Variants in EP300 observed in about 807,000 individuals in gnomAD.
The protein encoded by EP300 is histone acetyltransferase p300.
Under a neutral mutation model 264.0 loss-of-function variants are expected in EP300, and 31 were observed. The observed-to-expected ratio is 0.12, with a 90% CI of 0.09 to 0.16. EP300 has a LOEUF of 0.16. Among genes scored for constraint, EP300 ranks in the 10% least tolerant of loss-of-function variants. The pLI is 1.00. For synonymous variants in EP300, 1,340 were observed against 1,045.4 expected, an observed-to-expected ratio of 1.28 and a Z score of -5.44; for missense variants, 2,766 against 3,052.9, an observed-to-expected ratio of 0.91 and a Z score of 2.21.
intron 19 of EP300, 79 bp downstream of exon 19, chr22:41,158,579 C>T (rs1393797746): frequency 9.0e-7 from 1 of 1,109,888 alleles, no homozygotes; most frequent in Non-Finnish European, 1.4e-6. Context: ...AGCACACATA[C>T]AGTCATGGTT....
chr22:41,134,851 T>C (rs2058941101), intron 6 of EP300, among the ~76,000 whole-genome samples: 1 of 152,154 alleles, frequency 6.6e-6, no homozygotes, highest in South Asian at 2.1e-4. Context: ...CACTAGCATA[T>C]TTTCCCCTCT....
At chr22:41,163,231 C>T (rs569187238) in intron 21 of EP300, among the ~76,000 whole-genome samples, 2 of 146,222 alleles carry the variant, frequency 1.4e-5, no homozygotes, top group East Asian at 2.1e-4. Context: ...GTCAGGAGAT[C>T]GAGACCATCC....
At chr22:41,093,242 G>A in intron 1 of EP300, 144 bp downstream of exon 1, 1 of 833,306 alleles carries the variant, frequency 1.2e-6, no homozygotes, top group Non-Finnish European at 1.9e-6. Context: ...TGAGCTGGTC[G>A]AAGACGTCCA....
At chr22:41,170,146 C>T (rs1290966396) in intron 26 of EP300, among the ~76,000 whole-genome samples, 1 of 152,216 alleles carries the variant, frequency 6.6e-6, no homozygotes, top group Non-Finnish European at 1.5e-5. Context: ...AGGGCTAAGT[C>T]ACCCACTTCG....
At chr22:41,118,230 G>A (rs2058832358) in intron 2 of EP300, among the ~76,000 whole-genome samples, 2 of 152,184 alleles carry the variant, frequency 1.3e-5, no homozygotes, top group African/African-American at 4.8e-5. Flanking sequence ...TCTGAGAAAT[G>A]TATTAACTGT....
rs768939074 is a variant in EP300 at position 41,152,304 on chromosome 22, T to C, written c.3096T>C (p.Thr1032=). 3 of 1,614,128 alleles carry C rather than the reference T, an allele frequency of 1.9e-6. No homozygotes were observed. Among genetic ancestry groups the C allele is most frequent in the South Asian group, 2.2e-5 (2 of 91,076 alleles). Residue 1032 remains threonine (T), a synonymous_variant, in exon 16 of 31, where the codon ACT becomes ACC. Transcript: ENST00000263253. Reference sequence around the variant, plus strand: ...AAGAGGAGGAAGACCAGCCAAGTACTTCAGCTACCCAGTCATCTCCGGCTC... The same window carrying C: ...AAGAGGAGGAAGACCAGCCAAGTACCTCAGCTACCCAGTCATCTCCGGCTC... ...EIKEEEDQPS[T]SATQSSPAPG...
In EP300 at chr22:41,154,941, A is replaced by G. The variant is rs368133404; in HGVS notation, c.3143-54A>G. On this transcript the variant is annotated intron_variant, in intron 16 of 30. Transcript: ENST00000263253. ...AGAGCTTCAGGCTGAATGATTTTTTAAAGTTCTTCTGCTTAATTGGTAACT... is the reference window on the plus strand; with the variant it reads ...AGAGCTTCAGGCTGAATGATTTTTTGAAGTTCTTCTGCTTAATTGGTAACT... 1.7e-5 allele frequency: 21 copies of G among 1,212,586 alleles called. 1 individual carries two copies. The East Asian group carries it at 1.9e-4, about 11-fold the overall frequency. 75.1% of individuals were successfully genotyped at this position (1,212,586 alleles called of 1,614,324 possible). A position where few individuals can be genotyped will look rare whatever the true frequency, so the allele number is the denominator to read the frequency against.
At chr22:41,175,625 GCC>G (rs1323252210) in intron 29 of EP300, among the ~76,000 whole-genome samples, 1 of 152,140 alleles carries the variant, frequency 6.6e-6, no homozygotes, top group Non-Finnish European at 1.5e-5. Context: ...ATGAGTCCAG[GCC>G]AGTTGTTTTT....
chr22:41,155,222 C>A, intron 17 of EP300, 109 bp downstream of exon 17: 1 of 970,428 alleles, frequency 1.0e-6, no homozygotes. Flanking sequence ...ATTTGTAATT[C>A]AGTGATTTTT....
chr22:41,154,359 C>T (rs1443136329), intron 16 of EP300, among the ~76,000 whole-genome samples: 1 of 124,818 alleles, frequency 8.0e-6, no homozygotes, highest in Non-Finnish European at 1.7e-5. Context: ...CCTCTTAACA[C>T]GAGTATCTTG....
rs747119373 is a variant in EP300 at position 41,149,185 on chromosome 22, A to T, written c.2379+10A>T. On this transcript the variant is annotated intron_variant, in intron 13 of 30. Coordinates refer to ENST00000263253, the MANE Select transcript of EP300 (RefSeq NM_001429.4). ...AGCTCCAGTGTCTCAAGTATGTCTC[A>T]TAAGTGGATTTTTCACTTATTTTTG... 1.8e-5 allele frequency: 29 copies of T among 1,613,890 alleles called. No individual in the cohort carries two copies. The highest frequency in any genetic ancestry group is 2.3e-5 in the Non-Finnish European group (27 of 1,179,866).
At chr22:41,105,873 T>C (rs577909362) in intron 1 of EP300, among the ~76,000 whole-genome samples, 25 of 152,352 alleles carry the variant, frequency 1.6e-4, no homozygotes, top group Non-Finnish European at 3.1e-4. Flanking sequence ...TTTGTAGCTG[T>C]GTAATCCTGT....
chr22:41,122,396 C>T (rs956805103), intron 2 of EP300, among the ~76,000 whole-genome samples: 1 of 151,900 alleles, frequency 6.6e-6, no homozygotes, highest in Non-Finnish European at 1.5e-5. Context: ...AAACTCCTGA[C>T]CTCAGGTGAT....
chr22:41,127,546 G>C lies in EP300; in HGVS notation c.966G>C (p.Gly322=). The part of the protein sequence containing the change: ...QPGLVTPVAQ[G]MGSGAHTADP... Reference sequence around the variant, plus strand: ...GCCTGGTGACTCCAGTTGCCCAAGGGATGGGTTCTGGAGCACATACAGCTG... The same window carrying C: ...GCCTGGTGACTCCAGTTGCCCAAGGCATGGGTTCTGGAGCACATACAGCTG... The change falls in exon 4 of 31, where the codon GGG becomes GGC. Residue 322 remains glycine, a synonymous_variant. Transcript: ENST00000263253. The C allele has an allele frequency of 1.9e-6, 3 of 1,614,226 alleles. No individual in the cohort carries two copies. The highest frequency in any genetic ancestry group is 2.5e-6 in the Non-Finnish European group (3 of 1,180,046).
intron 19 of EP300, 87 bp downstream of exon 19, chr22:41,158,587 G>A (rs190723124): frequency 2.8e-6 from 3 of 1,054,344 alleles, no homozygotes; most frequent in Admixed American, 1.9e-5. Context: ...TACAGTCATG[G>A]TTCATGTGTA....
At chr22:41,099,630 AT>A (rs2058720393) in intron 1 of EP300, among the ~76,000 whole-genome samples, 1 of 152,020 alleles carries the variant, frequency 6.6e-6, no homozygotes, top group East Asian at 1.9e-4. Flanking sequence ...TCCGCATACA[AT>A]TTTTTTTCAT....
chr22:41,155,291 C>T (rs2059070696), intron 17 of EP300, among the ~76,000 whole-genome samples, 178 bp downstream of exon 17: 6 of 151,908 alleles, frequency 3.9e-5, no homozygotes, highest in Non-Finnish European at 8.8e-5. Context: ...TGCAGTGGCA[C>T]GATCGTGGCT....
At chr22:41,124,482 A>G (rs1456666567) in intron 2 of EP300, among the ~76,000 whole-genome samples, 3 of 152,166 alleles carry the variant, frequency 2.0e-5, no homozygotes, top group South Asian at 2.1e-4. Flanking sequence ...TACTTTTTAT[A>G]CAAACAAAAT....
chr22:41,103,009 C>T (rs1333216114), intron 1 of EP300, among the ~76,000 whole-genome samples: 3 of 152,090 alleles, frequency 2.0e-5, no homozygotes, highest in Non-Finnish European at 2.9e-5. Flanking sequence ...ACCACCACGC[C>T]TGGCTAATTT....
Sources: allele counts gnomAD v4.1 joint callset (sites outside exome capture counted in the v4.1 genomes callset), GRCh38; gene constraint gnomAD v4.1.1; transcripts MANE v1.5; gene names NCBI Gene and HGNC (gene_info 2026-07-23, HGNC 2026-07-21).